The following DENND4C variants were observed in gnomAD, a reference collection of about 807,000 sequenced individuals.
The protein encoded by DENND4C is DENN domain-containing protein 4C.
Under a neutral mutation model 203.0 loss-of-function variants are expected in DENND4C, and 108 were observed. The observed-to-expected ratio is 0.53, with a 90% CI of 0.46 to 0.62. The LOEUF (loss-of-function observed/expected upper bound fraction) is 0.62. DENND4C is among the 20% of genes least tolerant of loss of function. The pLI, the probability that DENND4C is intolerant of heterozygous loss-of-function variation, is 0.00. For synonymous variants in DENND4C, 871 were observed against 792.4 expected, an observed-to-expected ratio of 1.10 and a Z score of -1.67; for missense variants, 2,481 against 2,301.2, an observed-to-expected ratio of 1.08 and a Z score of -1.60.
intron 1 of DENND4C, among the ~76,000 whole-genome samples, chr9:19,242,596 T>A (rs1824035001): frequency 1.3e-5 from 2 of 152,160 alleles, no homozygotes; most frequent in Admixed American, 1.3e-4. Flanking sequence ...GTATTGTCAG[T>A]TTTTTTGATT....
At chr9:19,276,549 T>C in intron 2 of DENND4C, 70 bp downstream of exon 2, 2 of 860,172 alleles carry the variant, frequency 2.3e-6, no homozygotes, top group Non-Finnish European at 3.1e-6. Flanking sequence ...AAGTAGGAAT[T>C]TGAAATCCTT....
intron 28 of DENND4C, among the ~76,000 whole-genome samples, chr9:19,359,820 TA>T (rs1401477160): frequency 6.6e-6 from 1 of 152,218 alleles, no homozygotes; most frequent in Non-Finnish European, 1.5e-5. Flanking sequence ...CAATCAGTTG[TA>T]AAAGTGAGTT....
rs1288214083 is a variant in DENND4C, at chr9:19,330,370, C to CA, written c.2254-1607dup. Among the ~76,000 whole-genome samples, 2 of 130,870 alleles carry CA rather than the reference C, an allele frequency of 1.5e-5. 1 individual carries two copies. Among genetic ancestry groups the CA allele is most frequent in the East Asian group, 4.6e-4 (2 of 4,314 alleles). 85.9% of individuals were successfully genotyped at this position (130,870 alleles called of 152,430 possible). A position where few individuals can be genotyped will look rare whatever the true frequency, so the allele number is the denominator to read the frequency against. On this transcript the variant is annotated intron_variant, in intron 16 of 32. Coordinates refer to ENST00000434457, the MANE Select transcript of DENND4C (RefSeq NM_001330640.2). ...TTTTTTTTTTTTTAAGATGGAGTCT[C>CA]ACTCTGTCATCCAGGCTGGAGTGCA...
At chr9:19,232,658 TAGTTGG>T (rs1820871602) in intron 1 of DENND4C, among the ~76,000 whole-genome samples, 1 of 152,180 alleles carries the variant, frequency 6.6e-6, no homozygotes, top group Non-Finnish European at 1.5e-5. Context: ...ATTGGCAGCA[TAGTTGG>T]AGTGTGGAGA....
chr9:19,288,485 G>A (rs573538306), intron 3 of DENND4C, 111 bp from the exon 4 acceptor site: 31 of 567,820 alleles, frequency 5.5e-5, no homozygotes, highest in Non-Finnish European at 8.1e-5. Context: ...TTATATAAAC[G>A]TTTTAAATAG....
chr9:19,296,079 C>T lies in DENND4C; in HGVS notation c.873C>T (p.His291=), dbSNP rs753032007. 6.2e-6 allele frequency: 10 copies of T among 1,614,064 alleles called. No individual in the cohort carries two copies. The highest frequency in any genetic ancestry group is 1.3e-5 in the African/African-American group (1 of 75,000). ...TTCTATCAGAGAAACAGCTTATGCA[C>T]CTGGGCTTGTTGACGCCTGTGGAGA... ...RELLSEKQLM[H]LGLLTPVERK... Residue 291 remains histidine, a synonymous_variant, in exon 6 of 33, where the codon CAC becomes CAT. Coordinates refer to ENST00000434457, the MANE Select transcript of DENND4C (RefSeq NM_001330640.2).
chr9:19,338,529 G>C lies in DENND4C; in HGVS notation c.2881+1697G>C, dbSNP rs573021785. Among the ~76,000 whole-genome samples the C allele has an allele frequency of 2.6e-5, 4 of 152,284 alleles. No individual in the cohort carries two copies. In the South Asian group the frequency reaches 8.3e-4, roughly 32 times the overall value. On this transcript the variant is annotated intron_variant, in intron 20 of 32. Coordinates refer to ENST00000434457, the MANE Select transcript of DENND4C (RefSeq NM_001330640.2). ...CCGAATGCCACATACTGAATTTGCA[G>C]TGATGGTGTGTCTCTGTAGAACTTC...
chr9:19,250,027 T>G (rs1826174728), intron 1 of DENND4C, among the ~76,000 whole-genome samples: 1 of 152,162 alleles, frequency 6.6e-6, no homozygotes, highest in Admixed American at 6.5e-5. Flanking sequence ...GGCTGGGCGC[T>G]GTAGCTAATA....
At chr9:19,280,838 T>C (rs1833904904) in intron 2 of DENND4C, among the ~76,000 whole-genome samples, 1 of 152,156 alleles carries the variant, frequency 6.6e-6, no homozygotes, top group Admixed American at 6.6e-5. Context: ...CCTTCTGGGC[T>C]CAGGTGGTCC....
At position 19,324,469 on chromosome 9, in the gene DENND4C, G is replaced by A. The variant is rs768816127; in HGVS notation, c.1915G>A (p.Asp639Asn). ...IEECSFVSDK[D>N]TGLAFFDDCI... is the part of the protein sequence containing the mutation. ...AGAATGCAGTTTTGTAAGTGATAAA[G>A]ATACTGGATTAGCATTTTTTGATGA... The change falls in exon 13 of 33, where the codon GAT (aspartate) becomes AAT (asparagine). Residue 639 changes from aspartate (D) to asparagine (N), a missense_variant. Asp to Asn is a conservative substitution (Grantham distance 23, BLOSUM62 1). Coordinates refer to ENST00000434457, the MANE Select transcript of DENND4C (RefSeq NM_001330640.2). The A allele has an allele frequency of 3.7e-6, 6 of 1,610,884 alleles. No homozygotes were observed. Among genetic ancestry groups the A allele is most frequent in the Non-Finnish European group, 5.1e-6 (6 of 1,179,238 alleles).
chr9:19,341,058 T>G lies in DENND4C; in HGVS notation c.2948T>G (p.Val983Gly). ...ELIKDDAEIHVPEEQAARELI... is the reference protein window; with the variant it reads ...ELIKDDAEIHGPEEQAARELI... ...ATAAAGGATGATGCAGAAATTCATGTGCCTGAAGAACAGGCAGCAAGAGAA... is the reference window on the plus strand; with the variant it reads ...ATAAAGGATGATGCAGAAATTCATGGGCCTGAAGAACAGGCAGCAAGAGAA... Residue 983 changes from valine (V) to glycine (G), a missense_variant, in exon 21 of 33, where the codon GTG becomes GGG. Physicochemically the swap from Val to Gly is moderately radical, Grantham distance 109. This residue lies in a region of DENND4C where 2,289 missense variants were observed against 2,113.3 expected (regional missense o/e 1.08). Transcript: ENST00000434457. The G allele has an allele frequency of 6.2e-7, 1 of 1,613,258 alleles. No homozygotes were observed. Among genetic ancestry groups the G allele is most frequent in the Non-Finnish European group, 8.5e-7 (1 of 1,179,572 alleles).
At chr9:19,341,780 C>G (rs1374401535) in intron 21 of DENND4C, among the ~76,000 whole-genome samples, 1 of 152,198 alleles carries the variant, frequency 6.6e-6, no homozygotes, top group Non-Finnish European at 1.5e-5. Flanking sequence ...GGCTCTTTCA[C>G]TAGCAGTCCT....
chr9:19,328,249 C>G (rs1323781116), intron 16 of DENND4C, 87 bp downstream of exon 16: 8 of 1,256,308 alleles, frequency 6.4e-6, no homozygotes, highest in Admixed American at 2.6e-5. Flanking sequence ...AATGATCACC[C>G]ACAACAACCA....
In DENND4C at chr9:19,231,850, C is replaced by A. The variant is rs570047853; in HGVS notation, c.-18+1017C>A. ...AATTGTGTGCAAACCCGTGTTGAGG[C>A]GTTCTTCCTAGGCCCTAATTTACGT... On this transcript the variant is annotated intron_variant, in intron 1 of 32. Coordinates refer to ENST00000434457, the MANE Select transcript of DENND4C (RefSeq NM_001330640.2). Among the ~76,000 whole-genome samples, 17 of 151,688 alleles carry A rather than the reference C, an allele frequency of 1.1e-4. No individual in the cohort carries two copies. The South Asian group carries it at 3.6e-3, about 32-fold the overall frequency.
chr9:19,238,454 C>A (rs1822605345), intron 1 of DENND4C, among the ~76,000 whole-genome samples: 1 of 64,542 alleles, frequency 1.5e-5, no homozygotes, highest in Non-Finnish European at 3.1e-5. Flanking sequence ...TTTCCTTCCC[C>A]TCCCCTCCCC....
chr9:19,335,191 TAAAG>T (rs1820162094), intron 18 of DENND4C, 86 bp downstream of exon 18: 2 of 956,884 alleles, frequency 2.1e-6, no homozygotes, highest in East Asian at 3.3e-5. Context: ...AAACTCCTAT[TAAAG>T]GAAGTTTTGG....
At chr9:19,321,615 C>G (rs1306630291) in intron 12 of DENND4C, among the ~76,000 whole-genome samples, 1 of 151,812 alleles carries the variant, frequency 6.6e-6, no homozygotes, top group Non-Finnish European at 1.5e-5. Flanking sequence ...GAGGCTGAGG[C>G]AGGTGGATCA....
intron 10 of DENND4C, among the ~76,000 whole-genome samples, chr9:19,306,857 T>A (rs1304173312): frequency 2.6e-5 from 4 of 151,986 alleles, no homozygotes; most frequent in Non-Finnish European, 5.9e-5. Flanking sequence ...CCTGACTCTC[T>A]GCAGTCTCCG....
At chr9:19,352,709 A>C in intron 26 of DENND4C, 44 bp downstream of exon 26, 1 of 1,433,708 alleles carries the variant, frequency 7.0e-7, no homozygotes, top group East Asian at 2.4e-5. Flanking sequence ...TACCCTCAAA[A>C]AACACGACTT....
Sources: allele counts gnomAD v4.1 joint callset (sites outside exome capture counted in the v4.1 genomes callset), GRCh38; gene constraint gnomAD v4.1.1; regional missense constraint gnomAD v4.1.1; transcripts MANE v1.5; gene names NCBI Gene and HGNC (gene_info 2026-07-23, HGNC 2026-07-21).